KIF27: variants seen among roughly 807,000 people sequenced by gnomAD.
The protein encoded by KIF27 is kinesin-like protein KIF27.
A neutral mutation model predicts 141.8 loss-of-function variants in KIF27; 84 were observed. The ratio of observed to expected loss-of-function variants is 0.59; its 90% confidence interval spans 0.50 to 0.71. The LOEUF (loss-of-function observed/expected upper bound fraction) is 0.71. Ranked by LOEUF, KIF27 falls within the 30% of genes least tolerant of loss-of-function variation. The pLI is 0.00. For missense variants in KIF27, 1,306 were observed against 1,628.4 expected (o/e 0.80, Z 3.41); for synonymous variants, 471 against 569.5 (o/e 0.83, Z 2.46).
chr9:83,888,189 T>C (rs765109982), intron 8 of KIF27, among the ~76,000 whole-genome samples: 1 of 146,258 alleles, frequency 6.8e-6, no homozygotes, highest in Non-Finnish European at 1.5e-5. Flanking sequence ...ATACTGTATT[T>C]TAACATCATC....
chr9:83,837,552 C>T, intron 17 of KIF27, 67 bp from the exon 18 acceptor site: 2 of 1,448,624 alleles, frequency 1.4e-6, no homozygotes, highest in Non-Finnish European at 1.9e-6. Flanking sequence ...TTAATCAAAA[C>T]ATCTTAACAT....
intron 13 of KIF27, among the ~76,000 whole-genome samples, chr9:83,864,585 T>G (rs1264847290): frequency 2.0e-5 from 3 of 152,244 alleles, no homozygotes; most frequent in Admixed American, 1.3e-4. Flanking sequence ...AGGAGTGCTT[T>G]ACTTCCAACT....
intron 11 of KIF27, among the ~76,000 whole-genome samples, chr9:83,878,402 C>G (rs544326285): frequency 6.6e-6 from 1 of 152,102 alleles, no homozygotes; most frequent in South Asian, 2.1e-4. Flanking sequence ...TAGGTACATA[C>G]TCCTAGGTAC....
chr9:83,906,786 TTAA>T (rs1954593380), intron 3 of KIF27, among the ~76,000 whole-genome samples: 1 of 149,672 alleles, frequency 6.7e-6, no homozygotes, highest in Admixed American at 6.7e-5. Context: ...TGCAATATTA[TTAA>T]TAATAGTTAA....
chr9:83,915,217 C>T, intron 2 of KIF27, 77 bp downstream of exon 2: 3 of 1,154,156 alleles, frequency 2.6e-6, no homozygotes, highest in Non-Finnish European at 3.7e-6. Context: ...TAAACACCTA[C>T]CATGTGTCAG....
rs746357508 is a variant in KIF27 at position 83,880,528 on chromosome 9, C to T, written c.2446-34G>A. 2.0e-6 allele frequency: 3 copies of T among 1,479,738 alleles called. No individual in the cohort carries two copies. In the African/African-American group the frequency reaches 4.2e-5, roughly 21 times the overall value. The allele number at this position is 1,479,738 out of a possible 1,614,324, so 91.7% of individuals were successfully genotyped here. On this transcript the variant is annotated intron_variant, in intron 10 of 17. Coordinates refer to ENST00000297814, the MANE Select transcript of KIF27 (RefSeq NM_017576.4). The stretch of plus-strand genomic sequence containing the variant: ...ATATGGAATATTTCAAAATGAAAAA[C>T]TGAATCTCTCACAATCCTCAACTAA...
At chr9:83,910,859 C>G (rs1292712088) in intron 2 of KIF27, among the ~76,000 whole-genome samples, 1 of 151,986 alleles carries the variant, frequency 6.6e-6, no homozygotes, top group African/African-American at 2.4e-5. Flanking sequence ...ACTTCTACAT[C>G]GGTGTTCACA....
Position 83,834,979 on chromosome 9 carries a change from A to T in KIF27, c.*2022T>A, listed in dbSNP as rs1945659023. Among the ~76,000 whole-genome samples, 1 of 147,868 alleles carries T rather than the reference A, an allele frequency of 6.8e-6. No individual in the cohort carries two copies. Among genetic ancestry groups the T allele is most frequent in the Non-Finnish European group, 1.5e-5 (1 of 67,382 alleles). Reference sequence around the variant, plus strand: ...CAAGTATATATAATGGTAAAAGGTCAGTGCCTTCAACAAAGCACAGCAATA... The same window carrying T: ...CAAGTATATATAATGGTAAAAGGTCTGTGCCTTCAACAAAGCACAGCAATA... On this transcript the variant is annotated 3_prime_UTR_variant, in exon 18 of 18. Transcript: ENST00000297814.
intron 5 of KIF27, among the ~76,000 whole-genome samples, chr9:83,894,508 T>C (rs1952983862): frequency 6.6e-6 from 1 of 152,202 alleles, no homozygotes; most frequent in South Asian, 2.1e-4. Context: ...ACTATCAATG[T>C]GGTTTATGCT....
chr9:83,889,791 T>A (rs2132346016), intron 6 of KIF27, among the ~76,000 whole-genome samples: 1 of 152,310 alleles, frequency 6.6e-6, no homozygotes, highest in South Asian at 2.1e-4. Context: ...TAGGTATAGC[T>A]GAATTAAGGC....
chr9:83,888,349 G>GTT, intron 8 of KIF27, 140 bp downstream of exon 8: 1 of 427,028 alleles, frequency 2.3e-6, no homozygotes, highest in Non-Finnish European at 4.2e-6. Flanking sequence ...GAACATAAAA[G>GTT]AAGTTCTACC....
At chr9:83,915,918 A>G (rs1216462659) in intron 1 of KIF27, among the ~76,000 whole-genome samples, 3 of 152,178 alleles carry the variant, frequency 2.0e-5, no homozygotes, top group African/African-American at 2.4e-5. Context: ...AAGCTAGGTG[A>G]TAAGTACATG....
At chr9:83,873,866 C>T (rs542142869) in intron 11 of KIF27, among the ~76,000 whole-genome samples, 61 of 152,146 alleles carry the variant, frequency 4.0e-4, no homozygotes, top group African/African-American at 1.2e-3. Context: ...TAGCTAACAC[C>T]GTGAAACCCT....
chr9:83,901,649 C>T (rs1394651355), intron 4 of KIF27, among the ~76,000 whole-genome samples: 14 of 152,116 alleles, frequency 9.2e-5, no homozygotes, highest in African/African-American at 2.4e-4. Context: ...CCGAGGCGGG[C>T]GGATCATGAG....
intron 11 of KIF27, among the ~76,000 whole-genome samples, chr9:83,872,036 C>T (rs1484095794): frequency 6.7e-6 from 1 of 150,010 alleles, no homozygotes; most frequent in Non-Finnish European, 1.5e-5. Flanking sequence ...TCAAGAGGTG[C>T]GATGTTGGCC....
At chr9:83,890,135 A>T (rs1197992195) in intron 6 of KIF27, among the ~76,000 whole-genome samples, 4 of 152,228 alleles carry the variant, frequency 2.6e-5, no homozygotes, top group African/African-American at 9.6e-5. Context: ...TGAGTATCAC[A>T]CAGTGTTTAG....
At chr9:83,897,143 G>A (rs1953344572) in intron 5 of KIF27, among the ~76,000 whole-genome samples, 1 of 151,086 alleles carries the variant, frequency 6.6e-6, no homozygotes, top group Non-Finnish European at 1.5e-5. Flanking sequence ...AATTTATATG[G>A]AACAACCAAG....
chr9:83,853,633 T>C lies in KIF27; in HGVS notation c.3353A>G (p.Asn1118Ser), dbSNP rs763409241. Residue 1118 changes from asparagine to serine, a missense_variant, in exon 15 of 18, where the codon AAT becomes AGT. Asn to Ser is a conservative substitution (Grantham distance 46). Transcript: ENST00000297814. ...TTCTGACCCTCAAAAACAAACCTTA[T>C]TGAAATATCTGAAAAGAATAGTTCT... ...EIRTILFRYF[N>S]KVVNLREAER... is the part of the protein sequence containing the mutation. 2 of 1,611,830 alleles carry C rather than the reference T, an allele frequency of 1.2e-6. No individual in the cohort carries two copies. The highest frequency in any genetic ancestry group is 2.2e-5 in the East Asian group (1 of 44,838).
At chr9:83,910,763 G>A (rs1159070325) in intron 2 of KIF27, among the ~76,000 whole-genome samples, 2 of 152,146 alleles carry the variant, frequency 1.3e-5, no homozygotes, top group African/African-American at 4.8e-5. Context: ...ATAACATCAT[G>A]AGTAAACATT....
Sources: allele counts gnomAD v4.1 joint callset (sites outside exome capture counted in the v4.1 genomes callset), GRCh38; gene constraint gnomAD v4.1.1; transcripts MANE v1.5; gene names NCBI Gene and HGNC (gene_info 2026-07-23, HGNC 2026-07-21).